The following CRTC1 variants were observed in gnomAD, a reference collection of about 807,000 sequenced individuals.
CRTC1 encodes the protein CREB-regulated transcription coactivator 1.
CRTC1 carries 18 observed loss-of-function variants against 66.1 expected under a neutral mutation model. The ratio of observed to expected loss-of-function variants is 0.27; its 90% CI spans 0.19 to 0.40. The LOEUF (loss-of-function observed/expected upper bound fraction) is 0.40, where lower values mean the gene tolerates loss of function less well. Among genes scored for constraint, CRTC1 ranks in the 10% least tolerant of loss-of-function variants. The pLI is 1.00. For missense variants in CRTC1, 669 were observed against 887.9 expected, an observed-to-expected ratio of 0.75 and a Z score of 3.13; for synonymous variants, 416 against 398.8, an observed-to-expected ratio of 1.04 and a Z score of -0.51.
At chr19:18,722,539 A>G (rs1304831873) in intron 1 of CRTC1, among the ~76,000 whole-genome samples, 2 of 152,232 alleles carry the variant, frequency 1.3e-5, no homozygotes, top group Admixed American at 1.3e-4. Flanking sequence ...AGGCCACGTG[A>G]TGAAGGAGGC....
intron 1 of CRTC1, among the ~76,000 whole-genome samples, chr19:18,722,875 A>T (rs2053659352): frequency 6.6e-6 from 1 of 151,754 alleles, no homozygotes; most frequent in African/African-American, 2.4e-5. Context: ...GTGGCCTTTT[A>T]TGTCTGGCTT....
At chr19:18,743,305 C>T (rs559481670) in intron 2 of CRTC1, among the ~76,000 whole-genome samples, 6 of 152,366 alleles carry the variant, frequency 3.9e-5, no homozygotes, top group South Asian at 4.1e-4. Flanking sequence ...TGTGCGGCAG[C>T]GGGAACCGCT....
At chr19:18,774,826 G>T (rs1297752993) in intron 11 of CRTC1, 74 bp from the exon 12 acceptor site, 3 of 1,441,614 alleles carry the variant, frequency 2.1e-6, no homozygotes, top group Admixed American at 1.7e-5. Flanking sequence ...TTGTCTTCCA[G>T]CCGGGCTTGG....
intron 11 of CRTC1, 122 bp from the exon 12 acceptor site, chr19:18,774,778 C>A: frequency 1.2e-6 from 1 of 861,248 alleles, no homozygotes; most frequent in Non-Finnish European, 1.9e-6. Context: ...TAAGCATCAT[C>A]ATCAGCCTCC....
Position 18,768,535 on chromosome 19 carries a change from C to T in CRTC1, c.1062C>T (p.Phe354=). ...TGGAGCAGCAGCTGCCCTACGCCTT[C>T]TTCACCCAGGCGGGCTCCCAGCAGC... ...LSLEQQLPYA[F]FTQAGSQQPP... is the part of the protein sequence containing the mutation. The change falls in exon 10 of 14, where the codon TTC becomes TTT. Residue 354 remains phenylalanine (F), a synonymous_variant. Transcript: ENST00000321949. This position sits in a 1 kb window ranked among gnomAD's most constrained non-coding sequence, Gnocchi z 5.6. 2 of 1,609,118 alleles carry T rather than the reference C, an allele frequency of 1.2e-6. No homozygotes were observed. Among genetic ancestry groups the T allele is most frequent in the Non-Finnish European group, 1.7e-6 (2 of 1,178,938 alleles).
At position 18,760,067 on chromosome 19, in the gene CRTC1, CAG is replaced by C. The variant is rs2054580036; in HGVS notation, c.726_727del (p.Gly244ValfsTer206). On this transcript the variant is annotated frameshift_variant, in exon 8 of 14. Coordinates refer to ENST00000321949, the MANE Select transcript of CRTC1 (RefSeq NM_015321.3). LOFTEE classifies it high-confidence loss of function. The surrounding 1 kb of genome is among the most constrained non-coding windows in gnomAD (Gnocchi z 6.2). Reference sequence around the variant, plus strand: ...GCCCTGATCCCCGCCACCCACAACACAGGGGGGTCCCTGCCCGACCTGACCAA... The same window carrying C: ...GCCCTGATCCCCGCCACCCACAACACGGGGGTCCCTGCCCGACCTGACCAA... 2 of 1,613,372 alleles carry C rather than the reference CAG, an allele frequency of 1.2e-6. No individual in the cohort carries two copies. The highest frequency in any genetic ancestry group is 8.5e-7 in the Non-Finnish European group (1 of 1,179,596).
At position 18,716,538 on chromosome 19, in the gene CRTC1, C is replaced by T. The variant is rs183412748; in HGVS notation, c.127-26372C>T. The stretch of plus-strand genomic sequence containing the variant: ...GTGCTGGGATTACAGGTGTGAGCAA[C>T]TGTGCCTGGCCGGCTCCTGCATGAC... On this transcript the variant is annotated intron_variant, in intron 1 of 13. Transcript: ENST00000321949. Among the ~76,000 whole-genome samples, 419 of 152,346 alleles carry T rather than the reference C, an allele frequency of 2.8e-3. 2 individuals are homozygous for T. The highest frequency in any genetic ancestry group is 4.6e-3 in the Non-Finnish European group (313 of 68,034).
At chr19:18,729,152 G>A (rs368849289) in intron 1 of CRTC1, among the ~76,000 whole-genome samples, 6 of 147,594 alleles carry the variant, frequency 4.1e-5, no homozygotes, top group African/African-American at 1.2e-4. Flanking sequence ...CTGGCCGGGC[G>A]CGGTGGCTCA....
Position 18,706,182 on chromosome 19 carries a change from C to CTTTTTTTTTTTTTTTT in CRTC1, c.126+22380_126+22395dup, listed in dbSNP as rs58104974. On this transcript the variant is annotated intron_variant, in intron 1 of 13. Coordinates refer to ENST00000321949, the MANE Select transcript of CRTC1 (RefSeq NM_015321.3). ...GGGCTTTCTATTCTATTCCATTGGTCTTTTTTTTTTTTTTTTTTTTTTTTT... is the reference window on the plus strand; with the variant it reads ...GGGCTTTCTATTCTATTCCATTGGTCTTTTTTTTTTTTTTTTTTTTTTTTTTTTTTTTTTTTTTTTT... Among the ~76,000 whole-genome samples, 2 of 18,720 alleles carry CTTTTTTTTTTTTTTTT rather than the reference C, an allele frequency of 1.1e-4. 1 individual carries two copies. Among genetic ancestry groups the CTTTTTTTTTTTTTTTT allele is most frequent in the Non-Finnish European group, 2.2e-4 (2 of 9,218 alleles). 12.3% of individuals were successfully genotyped at this position (18,720 alleles called of 152,430 possible).
chr19:18,709,909 G>A, intron 1 of CRTC1, among the ~76,000 whole-genome samples: 1 of 152,192 alleles, frequency 6.6e-6, no homozygotes, highest in Non-Finnish European at 1.5e-5. Context: ...TTGCCACAGG[G>A]AGGACAGCTC....
At chr19:18,693,292 G>A (rs1311229930) in intron 1 of CRTC1, among the ~76,000 whole-genome samples, 2 of 150,980 alleles carry the variant, frequency 1.3e-5, no homozygotes, top group Non-Finnish European at 2.9e-5. Flanking sequence ...GGGAGGGTGA[G>A]GCAAGAGAAT....
intron 11 of CRTC1, among the ~76,000 whole-genome samples, chr19:18,773,502 CG>C (rs1568542760): frequency 6.6e-6 from 1 of 152,170 alleles, no homozygotes; most frequent in Non-Finnish European, 1.5e-5. Flanking sequence ...CAGGATCAGG[CG>C]CTGTCCTGGA....
chr19:18,713,663 T>G (rs1043505154), intron 1 of CRTC1, among the ~76,000 whole-genome samples: 1 of 148,960 alleles, frequency 6.7e-6, no homozygotes, highest in East Asian at 2.0e-4. Context: ...CCGGTTGGCC[T>G]TAGCTCAAGG....
intron 6 of CRTC1, among the ~76,000 whole-genome samples, chr19:18,756,023 C>T (rs992644743): frequency 7.9e-5 from 12 of 152,064 alleles, no homozygotes; most frequent in Non-Finnish European, 1.3e-4. Context: ...TCCACTCTTA[C>T]GGGAAAAAAA....
At chr19:18,709,965 A>G (rs890933955) in intron 1 of CRTC1, among the ~76,000 whole-genome samples, 3 of 152,234 alleles carry the variant, frequency 2.0e-5, no homozygotes, top group African/African-American at 7.2e-5. Flanking sequence ...CGTCCCACCC[A>G]GGATGGGGTC....
At chr19:18,714,549 G>A (rs2053464259) in intron 1 of CRTC1, among the ~76,000 whole-genome samples, 1 of 152,058 alleles carries the variant, frequency 6.6e-6, no homozygotes, top group Non-Finnish European at 1.5e-5. Context: ...CTCGTGATCC[G>A]CCTGCTTTGG....
At chr19:18,752,744 A>C (rs1269444294) in intron 5 of CRTC1, among the ~76,000 whole-genome samples, 2 of 150,974 alleles carry the variant, frequency 1.3e-5, no homozygotes, top group Non-Finnish European at 3.0e-5. Flanking sequence ...CGGTTCAAGC[A>C]ATTCTGCCTC....
At chr19:18,745,241 G>A (rs1440431749) in intron 2 of CRTC1, among the ~76,000 whole-genome samples, 3 of 152,206 alleles carry the variant, frequency 2.0e-5, no homozygotes, top group South Asian at 2.1e-4. Context: ...TGCCTGGAGT[G>A]CCTGGAGGAG....
At chr19:18,702,618 C>T (rs2053171189) in intron 1 of CRTC1, among the ~76,000 whole-genome samples, 1 of 150,764 alleles carries the variant, frequency 6.6e-6, no homozygotes, top group Non-Finnish European at 1.5e-5. Context: ...ACCGCAACCT[C>T]CACCTCCCGG....
Sources: allele counts gnomAD v4.1 joint callset (sites outside exome capture counted in the v4.1 genomes callset), GRCh38; gene constraint gnomAD v4.1.1; non-coding constraint Gnocchi (gnomAD v3.1); transcripts MANE v1.5; gene names NCBI Gene and HGNC (gene_info 2026-07-23, HGNC 2026-07-21).